MYLK4: variants seen among roughly 807,000 people sequenced by gnomAD.
MYLK4 encodes myosin light chain kinase family member 4.
In MYLK4, 46 loss-of-function variants were observed where a neutral mutation model predicts 48.1. That is an observed-to-expected ratio of 0.96 (90% confidence interval 0.75 to 1.22). The LOEUF (loss-of-function observed/expected upper bound fraction) is 1.22, where lower values mean the gene tolerates loss of function less well. Ranked by LOEUF, MYLK4 falls within the 50% of genes most tolerant of loss-of-function variation. MYLK4 has a pLI of 0.00. For missense variants in MYLK4, 451 were observed against 486.1 expected (o/e 0.93, Z 0.68); for synonymous variants, 170 against 180.8 (o/e 0.94, Z 0.48).
intron 10 of MYLK4, among the ~76,000 whole-genome samples, chr6:2,676,905 C>T (rs9405576): frequency 0.93 from 141,063 of 152,278 alleles, 65,878 homozygotes; most frequent in East Asian, 1. Flanking sequence ...TAAATGTGGA[C>T]TTCTCGTCCT....
intron 2 of MYLK4, among the ~76,000 whole-genome samples, chr6:2,739,828 T>C (rs1763827448): frequency 1.3e-5 from 2 of 152,336 alleles, no homozygotes; most frequent in South Asian, 4.1e-4. Flanking sequence ...GCATTTTACA[T>C]TTTACAAAGA....
At chr6:2,728,658 C>T (rs1172938451) in intron 2 of MYLK4, among the ~76,000 whole-genome samples, 4 of 152,174 alleles carry the variant, frequency 2.6e-5, no homozygotes, top group Admixed American at 1.3e-4. Context: ...CTGGGAGGCC[C>T]GTGGAGGCCA....
chr6:2,725,585 G>GAAAA (rs59504068), intron 2 of MYLK4, among the ~76,000 whole-genome samples: 2 of 101,772 alleles, frequency 2.0e-5, no homozygotes, highest in African/African-American at 6.8e-5. Flanking sequence ...GAAAAAGAAA[G>GAAAA]AGAAAGAAAG....
chr6:2,707,423 G>A (rs980113921), intron 2 of MYLK4, among the ~76,000 whole-genome samples: 8 of 152,010 alleles, frequency 5.3e-5, no homozygotes, highest in African/African-American at 1.4e-4. Flanking sequence ...TATTGGTGGC[G>A]CACATTTACA....
chr6:2,717,760 T>C (rs951172774), intron 2 of MYLK4, among the ~76,000 whole-genome samples: 2 of 152,224 alleles, frequency 1.3e-5, no homozygotes, highest in Non-Finnish European at 1.5e-5. Flanking sequence ...AGGATTTAGA[T>C]CCATGTCTTC....
At chr6:2,703,733 C>T (rs985324789) in intron 2 of MYLK4, among the ~76,000 whole-genome samples, 1 of 122,252 alleles carries the variant, frequency 8.2e-6, no homozygotes, top group South Asian at 2.7e-4. Context: ...TGCAGTAGCA[C>T]GATTTCGGCT....
intron 2 of MYLK4, among the ~76,000 whole-genome samples, chr6:2,740,387 C>G (rs1173906247): frequency 1.3e-5 from 2 of 152,194 alleles, no homozygotes; most frequent in Non-Finnish European, 2.9e-5. Flanking sequence ...GCTGCGGGAC[C>G]TTCTTGGGAA....
At chr6:2,721,284 C>T (rs1272408942) in intron 2 of MYLK4, among the ~76,000 whole-genome samples, 1 of 152,204 alleles carries the variant, frequency 6.6e-6, no homozygotes, top group Non-Finnish European at 1.5e-5. Flanking sequence ...AACACTCATA[C>T]AAAGCCTACC....
At chr6:2,758,238 C>T in the MYLK4 span, among the ~76,000 whole-genome samples, 1 of 151,988 alleles carries the variant, frequency 6.6e-6, no homozygotes, top group Non-Finnish European at 1.5e-5. Context: ...TTTTCTTAAT[C>T]AACAGTGTAA....
intron 12 of MYLK4, among the ~76,000 whole-genome samples, chr6:2,670,459 A>C (rs761126549): frequency 6.6e-6 from 1 of 152,256 alleles, no homozygotes; most frequent in Non-Finnish European, 1.5e-5. Context: ...TGGAGCTGTG[A>C]AAATGGCTGT....
the MYLK4 span, chr6:2,768,911 C>G: frequency 6.3e-7 from 1 of 1,577,922 alleles, no homozygotes; most frequent in Non-Finnish European, 8.6e-7. Context: ...ACCTTTTGGT[C>G]GTTGTGAACA....
intron 2 of MYLK4, among the ~76,000 whole-genome samples, chr6:2,734,426 G>A (rs538336940): frequency 2.6e-5 from 4 of 152,222 alleles, no homozygotes; most frequent in Admixed American, 1.3e-4. Flanking sequence ...CACTTCACAC[G>A]TCCTCTCACC....
intron 4 of MYLK4, among the ~76,000 whole-genome samples, chr6:2,687,272 T>C (rs1761594982): frequency 6.6e-6 from 1 of 152,256 alleles, no homozygotes; most frequent in South Asian, 2.1e-4. Flanking sequence ...CTTGGTGATG[T>C]CTGCATTTTG....
chr6:2,750,245 C>G (rs1764247539), intron 1 of MYLK4, among the ~76,000 whole-genome samples: 1 of 152,186 alleles, frequency 6.6e-6, no homozygotes, highest in Non-Finnish European at 1.5e-5. Context: ...TTGTGATTCT[C>G]ATCAGAAAAC....
chr6:2,680,210 A>G lies in MYLK4; in HGVS notation c.758+11T>C. 6.2e-7 allele frequency: 1 copy of G among 1,614,008 alleles called. No individual in the cohort carries two copies. Among genetic ancestry groups the G allele is most frequent in the Non-Finnish European group, 8.5e-7 (1 of 1,179,882 alleles). The stretch of plus-strand genomic sequence containing the variant: ...AGCTCCATTCGTACACCTATGTCCA[A>G]ATAGACATACCTTCTGGCCAATCCA... On this transcript the variant is annotated intron_variant, in intron 8 of 12. Coordinates refer to ENST00000274643, the MANE Select transcript of MYLK4 (RefSeq NM_001012418.5).
chr6:2,729,668 T>C (rs899655152), intron 2 of MYLK4, among the ~76,000 whole-genome samples: 6 of 152,244 alleles, frequency 3.9e-5, no homozygotes, highest in African/African-American at 1.4e-4. Context: ...TGTGTTTTAG[T>C]GACTTTGAAC....
chr6:2,679,349 T>C lies in MYLK4; in HGVS notation c.818A>G (p.Glu273Gly). Reference sequence around the variant, plus strand: ...TGAAACAAAATCATAGTTCACAACTTCAGGGGCGAGAAATTCTGGGGTTCC... The same window carrying C: ...TGAAACAAAATCATAGTTCACAACTCCAGGGGCGAGAAATTCTGGGGTTCC... Reference protein sequence around the residue: ...NFGTPEFLAPEVVNYDFVSFP... With the variant: ...NFGTPEFLAPGVVNYDFVSFP... Residue 273 changes from glutamate to glycine, a missense_variant, in exon 9 of 13, where the codon GAA becomes GGA. Glu to Gly is a moderately conservative substitution (Grantham distance 98). Transcript: ENST00000274643. 6.2e-7 allele frequency: 1 copy of C among 1,614,142 alleles called. No individual in the cohort carries two copies. The highest frequency in any genetic ancestry group is 8.5e-7 in the Non-Finnish European group (1 of 1,180,014).
At chr6:2,742,269 AGAGCTCTCCGACTTCT>A (rs1763922031) in intron 2 of MYLK4, among the ~76,000 whole-genome samples, 1 of 152,200 alleles carries the variant, frequency 6.6e-6, no homozygotes, top group South Asian at 2.1e-4. Context: ...GCTGACTCCT[AGAGCTCTCCGACTTCT>A]GAACACCAAC....
chr6:2,748,714 T>G (rs1764184560), intron 2 of MYLK4, among the ~76,000 whole-genome samples: 3 of 152,226 alleles, frequency 2.0e-5, no homozygotes, highest in Admixed American at 2.0e-4. Flanking sequence ...GTCTTTCTTG[T>G]CCCTTCTCTG....
Sources: allele counts gnomAD v4.1 joint callset (sites outside exome capture counted in the v4.1 genomes callset), GRCh38; gene constraint gnomAD v4.1.1; transcripts MANE v1.5; gene names NCBI Gene and HGNC (gene_info 2026-07-23, HGNC 2026-07-21).